SLCO4A1: variants seen among roughly 807,000 people sequenced by gnomAD.
The protein encoded by SLCO4A1 is colon organic anion transporter.
A neutral mutation model predicts 64.6 loss-of-function variants in SLCO4A1; 51 were observed. The ratio of observed to expected loss-of-function variants is 0.79; its 90% CI spans 0.63 to 1.00. The LOEUF (loss-of-function observed/expected upper bound fraction) is 1.00. Among genes scored for constraint, SLCO4A1 ranks in the 50% least tolerant of loss-of-function variants. The pLI, the probability that SLCO4A1 is intolerant of heterozygous loss-of-function variation, is 0.00. For missense variants in SLCO4A1, 919 were observed against 980.5 expected (o/e 0.94, Z 0.84); for synonymous variants, 471 against 444.9 (o/e 1.06, Z -0.74).
chr20:62,661,036 A>ACCCCCCCCC lies in SLCO4A1; in HGVS notation c.1010-28_1010-27insCCCCCCCCC. On this transcript the variant is annotated intron_variant, in intron 4 of 11. Transcript: ENST00000217159. This position sits in a 1 kb window ranked among gnomAD's most constrained non-coding sequence, Gnocchi z 5.2. ...CCACCTCCGGGAGCCCCCAGCCCCC[A>ACCCCCCCCC]GCCCCAGCTCACTCTGTGCCCTTCC... 4.1e-6 allele frequency: 2 copies of ACCCCCCCCC among 487,440 alleles called. No homozygotes were observed. The highest frequency in any genetic ancestry group is 8.0e-6 in the Non-Finnish European group (2 of 250,354). 30.2% of individuals were successfully genotyped at this position (487,440 alleles called of 1,614,324 possible). A position where few individuals can be genotyped will look rare whatever the true frequency, so the allele number is the denominator to read the frequency against.
chr20:62,662,247 C>T lies in SLCO4A1; in HGVS notation c.1121+1072C>T, dbSNP rs528724385. On this transcript the variant is annotated intron_variant, in intron 5 of 11. Coordinates refer to ENST00000217159, the MANE Select transcript of SLCO4A1 (RefSeq NM_016354.4). ...CTCATTAGGACCCTGATAGACCCCC[C>T]AAAGGAGCTGGGAGCTGCCTGCTAA... is the stretch of plus-strand genomic sequence containing the variant. Among the ~76,000 whole-genome samples the T allele has an allele frequency of 4.6e-5, 7 of 152,190 alleles. No individual in the cohort carries two copies. The East Asian group carries it at 5.8e-4, about 13-fold the overall frequency.
chr20:62,682,126 C>T (rs1030944102), intron 2 of SLCO4A1, among the ~76,000 whole-genome samples: 8 of 152,188 alleles, frequency 5.3e-5, no homozygotes, highest in Non-Finnish European at 1.0e-4. Context: ...AAAGGGGAGC[C>T]GACGGTGTGG....
At chr20:62,664,650 C>T (rs979635789) in intron 5 of SLCO4A1, among the ~76,000 whole-genome samples, 4 of 152,178 alleles carry the variant, frequency 2.6e-5, no homozygotes, top group South Asian at 2.1e-4. Flanking sequence ...CTCAGCCTGG[C>T]GCCCCCTGGG....
At chr20:62,656,148 C>T (rs1027281222) in intron 1 of SLCO4A1, among the ~76,000 whole-genome samples, 4 of 152,250 alleles carry the variant, frequency 2.6e-5, no homozygotes, top group Non-Finnish European at 5.9e-5. Context: ...CTGGGCACAG[C>T]CCCCCACCTT....
At chr20:62,664,550 A>G (rs980025934) in intron 5 of SLCO4A1, among the ~76,000 whole-genome samples, 11 of 152,066 alleles carry the variant, frequency 7.2e-5, no homozygotes, top group Admixed American at 5.9e-4. Flanking sequence ...GTCTCTCCCC[A>G]CCTGAGCTGA....
intron 5 of SLCO4A1, among the ~76,000 whole-genome samples, chr20:62,662,020 T>C (rs1395700825): frequency 3.3e-5 from 5 of 152,120 alleles, no homozygotes; most frequent in Non-Finnish European, 5.9e-5. Flanking sequence ...TGTGCCCTTG[T>C]AGCAGCAGGT....
rs1206883653 is a variant in SLCO4A1, at chr20:62,661,885, C to T, written c.1121+710C>T. Among the ~76,000 whole-genome samples the T allele has an allele frequency of 6.6e-6, 1 of 152,058 alleles. No individual in the cohort carries two copies. Among genetic ancestry groups the T allele is most frequent in the Non-Finnish European group, 1.5e-5 (1 of 67,982 alleles). ...GAGGGACAACAGAGGGGCCCGGGCC[C>T]TCCCGGCCTCTCCTGGGGATCATGC... is the stretch of plus-strand genomic sequence containing the variant. On this transcript the variant is annotated intron_variant, in intron 5 of 11. Coordinates refer to ENST00000217159, the MANE Select transcript of SLCO4A1 (RefSeq NM_016354.4). The surrounding 1 kb of genome is among the most constrained non-coding windows in gnomAD (Gnocchi z 5.2).
At chr20:62,669,099 GA>G in intron 11 of SLCO4A1, 21 bp downstream of exon 11, 1 of 1,604,676 alleles carries the variant, frequency 6.2e-7, no homozygotes. Flanking sequence ...CCAGGGAGGG[GA>G]CAGAGGGTCT....
chr20:62,671,505 AG>A (rs1282682363), intron 11 of SLCO4A1, among the ~76,000 whole-genome samples: 1 of 152,242 alleles, frequency 6.6e-6, no homozygotes. Context: ...ACCCATGACA[AG>A]CCCCTCAGTC....
intron 3 of SLCO4A1, among the ~76,000 whole-genome samples, chr20:62,659,825 C>A (rs1449840213): frequency 1.3e-5 from 2 of 152,236 alleles, no homozygotes; most frequent in Non-Finnish European, 2.9e-5. Context: ...GACACATCCC[C>A]GAAAGCCCAG....
intron 1 of SLCO4A1, chr20:62,650,779 G>C (rs1182670300): frequency 6.6e-6 from 1 of 152,210 alleles, no homozygotes; most frequent in Non-Finnish European, 1.5e-5. Flanking sequence ...CGGCTAAGAT[G>C]CTTTCATGTC....
chr20:62,653,572 C>T (rs957828217), intron 1 of SLCO4A1, among the ~76,000 whole-genome samples: 3 of 152,224 alleles, frequency 2.0e-5, no homozygotes, highest in Admixed American at 6.5e-5. Flanking sequence ...AGCCCCATGG[C>T]GGATCACCGG....
rs1395702926 is a variant in SLCO4A1 at position 62,660,452 on chromosome 20, T to C, written c.928T>C (p.Trp310Arg). The C allele has an allele frequency of 6.2e-7, 1 of 1,601,274 alleles. No homozygotes were observed. The highest frequency in any genetic ancestry group is 1.1e-5 in the South Asian group (1 of 91,066). The change falls in exon 4 of 12, where the codon TGG (tryptophan) becomes CGG (arginine). Residue 310 changes from tryptophan (W) to arginine (R), a missense_variant. Trp to Arg is a moderately radical substitution (Grantham distance 101). Transcript: ENST00000217159. ...CGAGAGCCCACTGTGGGTCGGCGCC[T>C]GGTGGGTCGGCTTCCTGGGCTCTGG... ...TTESPLWVGA[W>R]WVGFLGSGAA...
intron 2 of SLCO4A1, among the ~76,000 whole-genome samples, chr20:62,657,507 C>A (rs1054869316): frequency 4.6e-5 from 7 of 152,256 alleles, no homozygotes; most frequent in African/African-American, 1.7e-4. Context: ...TCAGTGCAAC[C>A]CCTGCGTGGT....
intron 1 of SLCO4A1, chr20:62,643,292 G>T (rs1980731790): frequency 1.3e-5 from 4 of 317,314 alleles, no homozygotes; most frequent in Non-Finnish European, 2.5e-5. Context: ...GACCAGGGAG[G>T]ATGGAAAGGA....
In SLCO4A1 at chr20:62,661,177, T is replaced by C; in HGVS notation, c.1121+2T>C. The stretch of plus-strand genomic sequence containing the variant: ...GAAAACCATCAGAGACCTGCCTCTG[T>C]AAGGACCGGAGTCGGGAGGGTTCCT... On this transcript the variant is annotated splice_donor_variant, in intron 5 of 11. Transcript: ENST00000217159. LOFTEE classifies it high-confidence loss of function. This position sits in a 1 kb window ranked among gnomAD's most constrained non-coding sequence, Gnocchi z 5.2. The C allele has an allele frequency of 6.2e-7, 1 of 1,607,042 alleles. No individual in the cohort carries two copies.
chr20:62,664,469 TG>T (rs1311026871), intron 5 of SLCO4A1, among the ~76,000 whole-genome samples: 1 of 152,180 alleles, frequency 6.6e-6, no homozygotes, highest in Non-Finnish European at 1.5e-5. Context: ...GGCCTCTGCC[TG>T]CCCCAGCCAG....
chr20:62,681,672 T>C (rs1410280649), intron 2 of SLCO4A1, among the ~76,000 whole-genome samples: 1 of 152,256 alleles, frequency 6.6e-6, no homozygotes, highest in Non-Finnish European at 1.5e-5. Context: ...CAAGAGCTTA[T>C]CTCTCTGGGT....
chr20:62,668,123 A>T lies in SLCO4A1; in HGVS notation c.1750A>T (p.Ile584Leu), dbSNP rs1368380991. Residue 584 changes from isoleucine to leucine, a missense_variant, in exon 9 of 12, where the codon ATA (isoleucine) becomes TTA (leucine). Physicochemically the swap from Ile to Leu is conservative, Grantham distance 5. Coordinates refer to ENST00000217159, the MANE Select transcript of SLCO4A1 (RefSeq NM_016354.4). ...GAGAAAGCCCCTCCTTCTGGTTTTC[A>T]TATTCGTTGTAATTTTCTTTACATT... ...CQRKPLLLVF[I>L]FVVIFFTFLS... The T allele has an allele frequency of 2.5e-6, 4 of 1,613,992 alleles. No homozygotes were observed. In the South Asian group the frequency reaches 4.4e-5, roughly 18 times the overall value.
Sources: allele counts gnomAD v4.1 joint callset (sites outside exome capture counted in the v4.1 genomes callset), GRCh38; gene constraint gnomAD v4.1.1; non-coding constraint Gnocchi (gnomAD v3.1); transcripts MANE v1.5; gene names NCBI Gene and HGNC (gene_info 2026-07-23, HGNC 2026-07-21).